PPP2R2B: variants seen among roughly 807,000 people sequenced by gnomAD.
PPP2R2B encodes serine/threonine-protein phosphatase 2A 55 kDa regulatory subunit B beta isoform.
A neutral mutation model predicts 46.0 loss-of-function variants in PPP2R2B; 5 were observed. The observed-to-expected ratio is 0.11, with a 90% CI of 0.06 to 0.23. The LOEUF is 0.23. Ranked by LOEUF, PPP2R2B falls within the 10% of genes least tolerant of loss-of-function variation. PPP2R2B has a pLI of 1.00. For synonymous variants in PPP2R2B, 215 were observed against 206.7 expected, an observed-to-expected ratio of 1.04 and a Z score of -0.34; for missense variants, 367 against 575.0, an observed-to-expected ratio of 0.64 and a Z score of 3.70.
At chr5:146,969,525 G>T (rs1041775723) in intron 1 of PPP2R2B, among the ~76,000 whole-genome samples, 2 of 152,178 alleles carry the variant, frequency 1.3e-5, no homozygotes, top group African/African-American at 4.8e-5. Flanking sequence ...TTTCTTATCA[G>T]ATCATTCCGC....
intron 2 of PPP2R2B, among the ~76,000 whole-genome samples, chr5:146,872,379 A>G (rs1761665160): frequency 6.6e-6 from 1 of 152,234 alleles, no homozygotes; most frequent in South Asian, 2.1e-4. Context: ...ATTCATCCAT[A>G]TGCATTGGAA....
chr5:146,881,568 C>A (rs1247585707), upstream of PPP2R2B, among the ~76,000 whole-genome samples: 8 of 152,072 alleles, frequency 5.3e-5, no homozygotes, highest in Non-Finnish European at 1.2e-4. Flanking sequence ...TGGACCACCA[C>A]ACCCAGCTAA....
At chr5:146,760,605 C>A (rs777189050) in intron 2 of PPP2R2B, among the ~76,000 whole-genome samples, 1 of 152,130 alleles carries the variant, frequency 6.6e-6, no homozygotes, top group Non-Finnish European at 1.5e-5. Flanking sequence ...GAGGAAGAGA[C>A]TGAGGAGCTG....
intron 2 of PPP2R2B, among the ~76,000 whole-genome samples, chr5:146,821,585 G>T (rs547829958): frequency 6.6e-6 from 1 of 152,296 alleles, no homozygotes; most frequent in African/African-American, 2.4e-5. Flanking sequence ...CAGAGTTGGG[G>T]TGAAACCTCA....
chr5:146,867,498 GTATT>G (rs1433620314), intron 2 of PPP2R2B, among the ~76,000 whole-genome samples: 4 of 152,022 alleles, frequency 2.6e-5, no homozygotes, highest in African/African-American at 9.7e-5. Flanking sequence ...GGAATCTTTT[GTATT>G]TATTTATTTA....
chr5:146,681,533 A>G (rs1778174858), intron 5 of PPP2R2B, among the ~76,000 whole-genome samples: 1 of 152,226 alleles, frequency 6.6e-6, no homozygotes. Flanking sequence ...AGATAATTTC[A>G]TCTGAAAAAT....
intron 1 of PPP2R2B, among the ~76,000 whole-genome samples, chr5:147,021,079 A>G (rs1755240082): frequency 6.6e-6 from 1 of 152,194 alleles, no homozygotes; most frequent in Non-Finnish European, 1.5e-5. Context: ...ATGGTGGGGT[A>G]ACTGGTACCA....
At chr5:146,603,700 A>G (rs994393437) in intron 7 of PPP2R2B, among the ~76,000 whole-genome samples, 42 of 152,208 alleles carry the variant, frequency 2.8e-4, no homozygotes, top group African/African-American at 9.9e-4. Flanking sequence ...ATTACTTTTG[A>G]TGGGAAGCTT....
chr5:146,797,972 C>T (rs991902666), intron 2 of PPP2R2B, among the ~76,000 whole-genome samples: 4 of 152,152 alleles, frequency 2.6e-5, no homozygotes, highest in Admixed American at 6.5e-5. Context: ...CAGGTACAGG[C>T]TGAGAAATAG....
At chr5:147,048,752 G>A (rs2151901221) in intron 1 of PPP2R2B, among the ~76,000 whole-genome samples, 1 of 152,242 alleles carries the variant, frequency 6.6e-6, no homozygotes, top group Middle Eastern at 3.4e-3. Context: ...ACTCAGGTTT[G>A]TCTAGTTTTG....
chr5:146,947,538 C>T (rs571176907), intron 1 of PPP2R2B, among the ~76,000 whole-genome samples: 1 of 152,040 alleles, frequency 6.6e-6, no homozygotes, highest in Non-Finnish European at 1.5e-5. Flanking sequence ...GAGAACAGAG[C>T]CAATGGGACA....
At chr5:147,044,505 T>C (rs977940894) in intron 1 of PPP2R2B, among the ~76,000 whole-genome samples, 22 of 152,188 alleles carry the variant, frequency 1.4e-4, no homozygotes, top group Non-Finnish European at 3.1e-4. Flanking sequence ...TTTCTTTCTT[T>C]CTTTTTTGTT....
intron 7 of PPP2R2B, among the ~76,000 whole-genome samples, chr5:146,621,363 A>ACTT (rs1773682945): frequency 6.6e-6 from 1 of 152,218 alleles, no homozygotes; most frequent in Non-Finnish European, 1.5e-5. Flanking sequence ...ACAGGCTAAG[A>ACTT]AGAGGCAGAG....
At chr5:147,009,745 C>G (rs72825288) in intron 1 of PPP2R2B, among the ~76,000 whole-genome samples, 3,257 of 152,032 alleles carry the variant, frequency 0.021, 43 homozygotes, top group Non-Finnish European at 0.031. Flanking sequence ...AGATATTTGG[C>G]ATACATAGAC....
At chr5:146,934,081 T>C (rs1018705219) in intron 1 of PPP2R2B, among the ~76,000 whole-genome samples, 15 of 152,148 alleles carry the variant, frequency 9.9e-5, no homozygotes, top group African/African-American at 3.4e-4. Flanking sequence ...AAGTCTATCA[T>C]TCTTGGACAT....
chr5:146,998,308 T>G (rs576426234), intron 1 of PPP2R2B, among the ~76,000 whole-genome samples: 10 of 152,342 alleles, frequency 6.6e-5, no homozygotes, highest in African/African-American at 1.9e-4. Flanking sequence ...AAAATGCAGG[T>G]GCTTCAATCG....
chr5:146,843,409 C>G (rs1262993382), intron 2 of PPP2R2B, among the ~76,000 whole-genome samples: 2 of 152,302 alleles, frequency 1.3e-5, no homozygotes, highest in East Asian at 3.9e-4. Context: ...TCTCTTTACC[C>G]TGCAGTGATA....
chr5:146,896,842 G>A (rs1762660133), intron 1 of PPP2R2B, among the ~76,000 whole-genome samples: 1 of 152,076 alleles, frequency 6.6e-6, no homozygotes, highest in Non-Finnish European at 1.5e-5. Context: ...GGGAAAAGTG[G>A]AGGCTCAGAC....
intron 2 of PPP2R2B, among the ~76,000 whole-genome samples, chr5:146,858,610 G>A (rs1482293150): frequency 6.6e-6 from 1 of 152,160 alleles, no homozygotes; most frequent in African/African-American, 2.4e-5. Flanking sequence ...CTAGTCACTA[G>A]TAAATTAGTG....
Sources: allele counts gnomAD v4.1 joint callset (sites outside exome capture counted in the v4.1 genomes callset), GRCh38; gene constraint gnomAD v4.1.1; transcripts MANE v1.5; gene names NCBI Gene and HGNC (gene_info 2026-07-23, HGNC 2026-07-21).